PKP4: variants seen among roughly 807,000 people sequenced by gnomAD.
PKP4 encodes plakophilin-4.
Under a neutral mutation model 145.1 loss-of-function variants are expected in PKP4, and 90 were observed. The ratio of observed to expected loss-of-function variants is 0.62; its 90% CI spans 0.52 to 0.74. The LOEUF is 0.74. Ranked by LOEUF, PKP4 falls within the 30% of genes least tolerant of loss-of-function variation. PKP4 has a pLI of 0.00. For synonymous variants in PKP4, 563 were observed against 577.2 expected (o/e 0.98, Z 0.35); for missense variants, 1,340 against 1,482.7 (o/e 0.90, Z 1.58).
intron 1 of PKP4, among the ~76,000 whole-genome samples, chr2:158,497,316 TTTGCA>T (rs386651981): frequency 4.9e-5 from 7 of 141,718 alleles, no homozygotes; most frequent in Non-Finnish European, 9.8e-5. Context: ...TGCATTTGTA[TTTGCA>T]TTTTGAGTGG....
At chr2:158,511,238 T>C (rs897812431) in intron 1 of PKP4, among the ~76,000 whole-genome samples, 6 of 152,040 alleles carry the variant, frequency 3.9e-5, no homozygotes, top group Non-Finnish European at 7.4e-5. Flanking sequence ...CTACAAAAAT[T>C]AGCTGGGCGT....
intron 2 of PKP4, among the ~76,000 whole-genome samples, chr2:158,553,231 G>T (rs1196074204): frequency 6.6e-6 from 1 of 152,160 alleles, no homozygotes; most frequent in Non-Finnish European, 1.5e-5. Context: ...AGCCTATCCA[G>T]GTTGCAAAAA....
At chr2:158,610,339 C>T (rs1180408775) in intron 4 of PKP4, among the ~76,000 whole-genome samples, 3 of 151,880 alleles carry the variant, frequency 2.0e-5, no homozygotes, top group Non-Finnish European at 4.4e-5. Flanking sequence ...TGTGTGCCAT[C>T]AAAATTTGAG....
chr2:158,550,641 G>A (rs1333519062), intron 2 of PKP4, among the ~76,000 whole-genome samples: 1 of 152,160 alleles, frequency 6.6e-6, no homozygotes, highest in Admixed American at 6.5e-5. Context: ...ATAGACTGGT[G>A]GGGCCTGTCT....
intron 2 of PKP4, among the ~76,000 whole-genome samples, chr2:158,543,829 T>G (rs2044727859): frequency 6.6e-6 from 1 of 152,162 alleles, no homozygotes; most frequent in East Asian, 1.9e-4. Flanking sequence ...CCGTACGTGG[T>G]TACTCTTACC....
At chr2:158,544,318 AT>A (rs1376347227) in intron 2 of PKP4, among the ~76,000 whole-genome samples, 3 of 152,200 alleles carry the variant, frequency 2.0e-5, no homozygotes, top group Non-Finnish European at 4.4e-5. Context: ...TCCAAAAACA[AT>A]TTTGTAAAAA....
intron 11 of PKP4, among the ~76,000 whole-genome samples, chr2:158,652,288 A>G (rs2105954671): frequency 6.6e-6 from 1 of 152,324 alleles, no homozygotes; most frequent in African/African-American, 2.4e-5. Context: ...TGGCCACCGT[A>G]TGGGGCAGCA....
chr2:158,554,635 C>T (rs2045931903), intron 2 of PKP4, among the ~76,000 whole-genome samples: 1 of 151,998 alleles, frequency 6.6e-6, no homozygotes, highest in South Asian at 2.1e-4. Flanking sequence ...CTGTGTTAGC[C>T]AGGATGGTCT....
At position 158,621,236 on chromosome 2, in the gene PKP4, T is replaced by C; in HGVS notation, c.418T>C (p.Leu140=). The C allele has an allele frequency of 1.2e-6, 2 of 1,614,166 alleles. No homozygotes were observed. The highest frequency in any genetic ancestry group is 1.1e-5 in the South Asian group (1 of 91,088). The change falls in exon 6 of 22, where the codon TTG becomes CTG. Residue 140 remains leucine (L), a synonymous_variant. Coordinates refer to ENST00000389759, the MANE Select transcript of PKP4 (RefSeq NM_003628.6). ...TCTTGGTTTCATTCTTACAGGATCATTGGGTAACTCAAGAAGTTCAACACA... is the reference window on the plus strand; with the variant it reads ...TCTTGGTTTCATTCTTACAGGATCACTGGGTAACTCAAGAAGTTCAACACA... ...QTSLHESEGS[L]GNSRSSTQMN...
intron 2 of PKP4, among the ~76,000 whole-genome samples, chr2:158,568,428 A>G (rs1278294449): frequency 6.6e-6 from 1 of 152,176 alleles, no homozygotes; most frequent in African/African-American, 2.4e-5. Flanking sequence ...TTCAGGGACC[A>G]CACTTTGAGA....
chr2:158,620,432 TA>T (rs1244615412), intron 4 of PKP4, among the ~76,000 whole-genome samples: 1 of 152,124 alleles, frequency 6.6e-6, no homozygotes, highest in South Asian at 2.1e-4. Context: ...TATATTCCTT[TA>T]AAAAAGGCTA....
chr2:158,673,801 C>CA, intron 18 of PKP4, 40 bp downstream of exon 18: 1 of 1,471,984 alleles, frequency 6.8e-7, no homozygotes, highest in Non-Finnish European at 9.5e-7. Context: ...TAGCATTCAT[C>CA]AGAGCACACA....
chr2:158,632,159 A>G (rs1467586125), intron 8 of PKP4, among the ~76,000 whole-genome samples: 2 of 152,218 alleles, frequency 1.3e-5, no homozygotes, highest in Admixed American at 1.3e-4. Flanking sequence ...ATCAATGAAC[A>G]TAGTGATTAT....
At chr2:158,637,909 A>G (rs550572918) in intron 9 of PKP4, among the ~76,000 whole-genome samples, 6 of 152,338 alleles carry the variant, frequency 3.9e-5, no homozygotes, top group Admixed American at 2.0e-4. Flanking sequence ...CTGAATTTTC[A>G]TCGAGGTTGG....
intron 1 of PKP4, among the ~76,000 whole-genome samples, chr2:158,462,493 A>G (rs1166004853): frequency 1.3e-5 from 2 of 152,186 alleles, no homozygotes; most frequent in African/African-American, 4.8e-5. Flanking sequence ...GAGACTTTTG[A>G]ACCTTCTTCA....
At chr2:158,680,347 C>T (rs2058359252) in intron 21 of PKP4, 82 bp from the exon 22 acceptor site, 2 of 1,009,044 alleles carry the variant, frequency 2.0e-6, no homozygotes, top group African/African-American at 1.6e-5. Flanking sequence ...AAATATGAAG[C>T]AGGAAGCCCA....
chr2:158,663,141 G>A (rs77018422), intron 14 of PKP4, 53 bp downstream of exon 14: 38,367 of 1,527,296 alleles, frequency 0.025, 575 homozygotes, highest in Middle Eastern at 0.033. Context: ...CTGGGAGTGA[G>A]GAATCACATA....
intron 1 of PKP4, among the ~76,000 whole-genome samples, chr2:158,488,164 C>T (rs1694441031): frequency 6.6e-6 from 1 of 152,140 alleles, no homozygotes; most frequent in Admixed American, 6.5e-5. Context: ...GTAAGTTTCA[C>T]ATTGTCATGA....
chr2:158,574,820 A>C (rs2047707286), intron 2 of PKP4, among the ~76,000 whole-genome samples: 1 of 152,200 alleles, frequency 6.6e-6, no homozygotes, highest in Non-Finnish European at 1.5e-5. Flanking sequence ...CTCTGCATCC[A>C]GTAGGGATAT....
Sources: allele counts gnomAD v4.1 joint callset (sites outside exome capture counted in the v4.1 genomes callset), GRCh38; gene constraint gnomAD v4.1.1; transcripts MANE v1.5; gene names NCBI Gene and HGNC (gene_info 2026-07-23, HGNC 2026-07-21).